The following GALNTL6 variants were observed in gnomAD, a reference collection of about 807,000 sequenced individuals.
GALNTL6 encodes the protein polypeptide N-acetylgalactosaminyltransferase like 6.
Under a neutral mutation model 73.7 loss-of-function variants are expected in GALNTL6, and 46 were observed. That is an observed-to-expected ratio of 0.62 (90% CI 0.49 to 0.80). The LOEUF is 0.80. Ranked by LOEUF, GALNTL6 falls within the 30% of genes least tolerant of loss-of-function variation. GALNTL6 has a pLI of 0.00. For missense variants in GALNTL6, 604 were observed against 755.0 expected (o/e 0.80, Z 2.34); for synonymous variants, 259 against 263.7 (o/e 0.98, Z 0.17).
At chr4:171,863,254 A>G (rs1735881731) in intron 2 of GALNTL6, among the ~76,000 whole-genome samples, 1 of 152,202 alleles carries the variant, frequency 6.6e-6, no homozygotes, top group African/African-American at 2.4e-5. Flanking sequence ...TTGACTGAAG[A>G]AACTAATCAA....
At chr4:172,613,943 G>C (rs1184296117) in intron 5 of GALNTL6, among the ~76,000 whole-genome samples, 2 of 152,054 alleles carry the variant, frequency 1.3e-5, no homozygotes, top group Non-Finnish European at 2.9e-5. Context: ...ACAAAGAAAA[G>C]ATTTCTTCCA....
At chr4:172,395,489 T>C (rs967326840) in intron 5 of GALNTL6, among the ~76,000 whole-genome samples, 1 of 152,182 alleles carries the variant, frequency 6.6e-6, no homozygotes, top group Non-Finnish European at 1.5e-5. Context: ...GACTATCTTA[T>C]TATTGTCAAC....
intron 10 of GALNTL6, among the ~76,000 whole-genome samples, chr4:172,982,046 C>T (rs7663630): frequency 0.81 from 122,862 of 152,020 alleles, 50,226 homozygotes; most frequent in Middle Eastern, 0.91. Flanking sequence ...CTGCCTGCCT[C>T]GGCCTCCCAA....
intron 3 of GALNTL6, among the ~76,000 whole-genome samples, chr4:172,255,046 G>A (rs1445750860): frequency 1.3e-5 from 2 of 151,664 alleles, no homozygotes; most frequent in East Asian, 1.9e-4. Flanking sequence ...CAGCTGTGCT[G>A]TAGGGGTTTA....
intron 3 of GALNTL6, among the ~76,000 whole-genome samples, chr4:172,298,354 C>G (rs889496791): frequency 3.9e-5 from 6 of 152,114 alleles, no homozygotes; most frequent in African/African-American, 1.4e-4. Flanking sequence ...TTTCCTTCTC[C>G]TGCCTGATTG....
At chr4:172,529,598 A>G (rs1398605206) in intron 5 of GALNTL6, among the ~76,000 whole-genome samples, 6 of 152,116 alleles carry the variant, frequency 3.9e-5, no homozygotes, top group African/African-American at 1.4e-4. Context: ...AGAATTTCTC[A>G]TGTTTTTGTC....
chr4:172,268,311 C>T (rs1482743786), intron 3 of GALNTL6, among the ~76,000 whole-genome samples: 1 of 152,136 alleles, frequency 6.6e-6, no homozygotes, highest in African/African-American at 2.4e-5. Flanking sequence ...TTGGGATCAC[C>T]ACATGTGAAT....
At chr4:172,336,120 A>G (rs542543290) in intron 4 of GALNTL6, among the ~76,000 whole-genome samples, 8 of 152,094 alleles carry the variant, frequency 5.3e-5, no homozygotes, top group Admixed American at 2.6e-4. Flanking sequence ...ATTTTGCTGC[A>G]TTTCAGGATA....
intron 2 of GALNTL6, among the ~76,000 whole-genome samples, chr4:172,015,751 C>T (rs1265172820): frequency 6.6e-6 from 1 of 151,824 alleles, no homozygotes; most frequent in East Asian, 1.9e-4. Context: ...TGAATTCCCT[C>T]AGCATTTGTT....
chr4:173,009,245 T>C lies in GALNTL6; in HGVS notation c.1439T>C (p.Leu480Pro). 1.9e-6 allele frequency: 3 copies of C among 1,614,072 alleles called. No individual in the cohort carries two copies. Among genetic ancestry groups the C allele is most frequent in the South Asian group, 2.2e-5 (2 of 91,084 alleles). ...GGAGCCACCGGAACAGAGCTGAGGC[T>C]GGACATCTGTGTCAAGGATGGTTCT... The part of the protein sequence containing the change: ...KHGATGTELR[L>P]DICVKDGSER... The change falls in exon 11 of 13, where the codon CTG (leucine) becomes CCG (proline). Residue 480 changes from leucine to proline, a missense_variant. By Grantham distance (98) the Leu-to-Pro change is moderately conservative. Coordinates refer to ENST00000506823, the MANE Select transcript of GALNTL6 (RefSeq NM_001034845.3).
chr4:172,167,569 C>G (rs1734666772), intron 2 of GALNTL6, among the ~76,000 whole-genome samples: 2 of 152,118 alleles, frequency 1.3e-5, no homozygotes, highest in Non-Finnish European at 2.9e-5. Context: ...GTAGAAATAA[C>G]TATATATGAC....
chr4:172,286,240 A>C (rs1739244249), intron 3 of GALNTL6, among the ~76,000 whole-genome samples: 1 of 152,228 alleles, frequency 6.6e-6, no homozygotes. Flanking sequence ...TCTACATAAT[A>C]GTTCCTCATG....
intron 5 of GALNTL6, among the ~76,000 whole-genome samples, chr4:172,654,853 G>A (rs1389853386): frequency 1.3e-5 from 2 of 152,090 alleles, no homozygotes; most frequent in Non-Finnish European, 1.5e-5. Flanking sequence ...TAATAACAAC[G>A]TTTGCTATTT....
chr4:172,639,667 C>G (rs1205774274), intron 5 of GALNTL6, among the ~76,000 whole-genome samples: 2 of 151,994 alleles, frequency 1.3e-5, no homozygotes, highest in Non-Finnish European at 2.9e-5. Flanking sequence ...CCTCCTTATC[C>G]ATTTCCCCTC....
intron 2 of GALNTL6, among the ~76,000 whole-genome samples, chr4:171,873,622 G>T (rs1294766843): frequency 6.6e-6 from 1 of 152,010 alleles, no homozygotes; most frequent in Non-Finnish European, 1.5e-5. Context: ...GATTTTTAGT[G>T]TCTATAAAAA....
At chr4:172,870,582 T>G (rs897739377) in intron 7 of GALNTL6, among the ~76,000 whole-genome samples, 3 of 152,178 alleles carry the variant, frequency 2.0e-5, no homozygotes, top group African/African-American at 7.2e-5. Flanking sequence ...AGGAATAGTT[T>G]TATAGGTTTG....
chr4:172,795,886 G>A (rs2047145891), intron 5 of GALNTL6, among the ~76,000 whole-genome samples: 1 of 151,506 alleles, frequency 6.6e-6, no homozygotes, highest in Admixed American at 6.6e-5. Context: ...CTGTGTGCAG[G>A]TAAACAATCT....
At chr4:172,299,975 G>GT (rs1341067356) in intron 3 of GALNTL6, among the ~76,000 whole-genome samples, 1 of 152,082 alleles carries the variant, frequency 6.6e-6, no homozygotes, top group East Asian at 1.9e-4. Flanking sequence ...GGGTGTTAAA[G>GT]TCTCCCATTA....
At chr4:172,151,986 C>G (rs867139452) in intron 2 of GALNTL6, among the ~76,000 whole-genome samples, 4 of 128,498 alleles carry the variant, frequency 3.1e-5, no homozygotes, top group Non-Finnish European at 6.7e-5. Context: ...ATCTATCTAT[C>G]TATGTTTTTA....
Sources: allele counts gnomAD v4.1 joint callset (sites outside exome capture counted in the v4.1 genomes callset), GRCh38; gene constraint gnomAD v4.1.1; transcripts MANE v1.5; gene names NCBI Gene and HGNC (gene_info 2026-07-23, HGNC 2026-07-21).